EGF: variants seen among roughly 807,000 people sequenced by gnomAD.
EGF encodes epidermal growth factor, also known as pro-epidermal growth factor.
A neutral mutation model predicts 143.8 loss-of-function variants in EGF; 95 were observed. That is an observed-to-expected ratio of 0.66 (90% CI 0.56 to 0.78). EGF has a LOEUF of 0.78. EGF is among the 30% of genes least tolerant of loss of function. EGF has a pLI of 0.00. For missense variants in EGF, 1,320 were observed against 1,470.9 expected, an observed-to-expected ratio of 0.90 and a Z score of 1.68; for synonymous variants, 510 against 510.5, an observed-to-expected ratio of 1.00 and a Z score of 0.01.
intron 1 of EGF, among the ~76,000 whole-genome samples, chr4:109,916,168 T>C (rs1421270694): frequency 1.3e-5 from 2 of 152,182 alleles, no homozygotes; most frequent in Non-Finnish European, 2.9e-5. Context: ...TTATCACTTT[T>C]AGTAGTAAAC....
chr4:109,926,280 G>T (rs753303651), intron 1 of EGF, among the ~76,000 whole-genome samples: 11 of 152,184 alleles, frequency 7.2e-5, no homozygotes, highest in South Asian at 4.2e-4. Flanking sequence ...TTGAGCCCAG[G>T]AGTTCAAGGC....
chr4:109,981,116 G>A (rs568396981), intron 15 of EGF, 141 bp downstream of exon 15: 3 of 1,337,050 alleles, frequency 2.2e-6, no homozygotes, highest in Admixed American at 1.8e-5. Flanking sequence ...GAATTTGTTT[G>A]TTTATTTGTT....
chr4:109,937,348 T>G (rs1741011759), intron 1 of EGF, among the ~76,000 whole-genome samples: 1 of 138,964 alleles, frequency 7.2e-6, no homozygotes, highest in Non-Finnish European at 1.5e-5. Flanking sequence ...AGACCAGGAT[T>G]GCAATCCCTG....
intron 10 of EGF, chr4:109,968,699 T>TACCTAC (rs1560708073): frequency 5.0e-6 from 2 of 397,244 alleles, no homozygotes; most frequent in South Asian, 4.5e-5. Flanking sequence ...TATCTATCTA[T>TACCTAC]CTATCTATCT....
At chr4:109,964,087 T>C (rs1175837129) in intron 9 of EGF, among the ~76,000 whole-genome samples, 3 of 152,180 alleles carry the variant, frequency 2.0e-5, no homozygotes, top group Non-Finnish European at 4.4e-5. Context: ...ATCAAGAAGA[T>C]GTATAACCCT....
chr4:109,968,841 T>C, intron 10 of EGF, 130 bp from the exon 11 acceptor site: 1 of 1,163,034 alleles, frequency 8.6e-7, no homozygotes, highest in Non-Finnish European at 1.3e-6. Flanking sequence ...AGTTCGAATT[T>C]AGTTGCAGGT....
chr4:109,976,560 G>A (rs745721671), intron 13 of EGF, among the ~76,000 whole-genome samples: 2 of 152,214 alleles, frequency 1.3e-5, no homozygotes, highest in Admixed American at 6.5e-5. Context: ...TTTCACAACA[G>A]TGATATTATA....
intron 1 of EGF, among the ~76,000 whole-genome samples, chr4:109,930,642 C>T (rs184518440): frequency 6.0e-4 from 92 of 152,328 alleles, no homozygotes; most frequent in African/African-American, 2.2e-3. Context: ...AACTAGCTCT[C>T]ATGAGTGTTT....
chr4:109,944,972 G>C, intron 4 of EGF, 101 bp from the exon 5 acceptor site: 1 of 1,232,474 alleles, frequency 8.1e-7, no homozygotes, highest in African/African-American at 1.5e-5. Context: ...TGAAAACGTA[G>C]GTGGTTAAAA....
intron 1 of EGF, among the ~76,000 whole-genome samples, chr4:109,926,574 G>A (rs1458060728): frequency 6.6e-6 from 1 of 152,020 alleles, no homozygotes; most frequent in African/African-American, 2.4e-5. Flanking sequence ...AGCCAGGATG[G>A]TCTCGATCTC....
intron 1 of EGF, among the ~76,000 whole-genome samples, chr4:109,935,494 T>C (rs1012287467): frequency 1.3e-5 from 2 of 152,220 alleles, no homozygotes; most frequent in African/African-American, 4.8e-5. Context: ...TCATGTCATC[T>C]GCAAACAGAG....
intron 18 of EGF, among the ~76,000 whole-genome samples, chr4:109,991,370 G>A (rs76243078): frequency 0.022 from 3,335 of 152,240 alleles, 130 homozygotes; most frequent in African/African-American, 0.077. Flanking sequence ...GCGAAGGCTA[G>A]GAAGTTGGAC....
At chr4:109,995,750 C>G (rs547173713) in intron 20 of EGF, among the ~76,000 whole-genome samples, 1 of 152,298 alleles carries the variant, frequency 6.6e-6, no homozygotes, top group South Asian at 2.1e-4. Flanking sequence ...ATGAAATAGT[C>G]TGATCCTCAC....
At chr4:109,939,400 G>A (rs144235754) in intron 1 of EGF, among the ~76,000 whole-genome samples, 9 of 152,356 alleles carry the variant, frequency 5.9e-5, no homozygotes, top group East Asian at 1.9e-4. Context: ...TGGGAAAAGC[G>A]CAGTATTTGG....
intron 1 of EGF, among the ~76,000 whole-genome samples, chr4:109,933,668 C>T (rs28405885): frequency 0.053 from 8,130 of 152,156 alleles, 517 homozygotes; most frequent in East Asian, 0.18. Context: ...TGAGAACATG[C>T]GGTGTTTGGT....
intron 13 of EGF, chr4:109,977,536 T>TAA (rs201467416): frequency 5.6e-5 from 8 of 142,650 alleles, no homozygotes; most frequent in Non-Finnish European, 9.3e-5. Flanking sequence ...CATACATTAC[T>TAA]AAAAAAAAAA....
intron 1 of EGF, among the ~76,000 whole-genome samples, chr4:109,935,528 A>G (rs1740613959): frequency 6.6e-6 from 1 of 152,056 alleles, no homozygotes; most frequent in Admixed American, 6.5e-5. Context: ...CCTTTTTCCT[A>G]ATTGAATACC....
intron 18 of EGF, among the ~76,000 whole-genome samples, chr4:109,990,154 G>A (rs1376708792): frequency 6.6e-6 from 1 of 152,096 alleles, no homozygotes; most frequent in East Asian, 1.9e-4. Context: ...TGGGCCATCT[G>A]GGATAGCAAT....
At chr4:109,966,730 C>CA (rs1168785086) in intron 10 of EGF, among the ~76,000 whole-genome samples, 5 of 152,038 alleles carry the variant, frequency 3.3e-5, no homozygotes, top group African/African-American at 1.2e-4. Flanking sequence ...TAATAATAGT[C>CA]ATTCTGATGG....
Sources: gnomAD v4.1 joint callset for allele counts (sites outside exome capture counted in the v4.1 genomes callset) on GRCh38, gnomAD v4.1.1 for gene constraint, MANE v1.5 for transcripts, NCBI Gene and HGNC (gene_info 2026-07-23, HGNC 2026-07-21) for gene names.